Variants in L1CAM observed in about 807,000 individuals in gnomAD.
L1CAM encodes the protein L1 cell adhesion molecule.
L1CAM carries 8 observed loss-of-function variants against 93.0 expected under a neutral mutation model. The observed-to-expected ratio is 0.09, with a 90% CI of 0.05 to 0.16. The LOEUF is 0.16. L1CAM is among the 10% of genes least tolerant of loss of function. The pLI is 1.00. For missense variants in L1CAM, 777 were observed against 1,073.4 expected (o/e 0.72, Z 3.86); for synonymous variants, 453 against 453.0 (o/e 1.00, Z 0.00).
At chrX:153,877,487 C>T (rs1240661547) in intron 1 of L1CAM, among the ~76,000 whole-genome samples, 1 of 106,639 alleles carries the variant, frequency 9.4e-6, no homozygotes, top group Non-Finnish European at 1.9e-5. Flanking sequence ...GTTAGCCTGG[C>T]GTGGTGGTGC....
chrX:153,877,166 G>T (rs1240636704), intron 1 of L1CAM, among the ~76,000 whole-genome samples: 2 of 103,652 alleles, frequency 1.9e-5, no homozygotes, highest in African/African-American at 7.1e-5. Flanking sequence ...AATTAGGGCT[G>T]GGCGTGGTGG....
rs782577322 is a variant in L1CAM at position 153,866,785 on chromosome X, C to T, written c.2295G>A (p.Glu765=). The T allele has an allele frequency of 8.3e-7, 1 of 1,211,696 alleles. No homozygotes were observed. The highest frequency in any genetic ancestry group is 3.0e-5 in the East Asian group (1 of 33,842). Reference sequence around the variant, plus strand: ...CCAGGAAGGGGTCGCTGACAATCTGCTCCTGCCAGGGCCCTCGTGTCCCCT... The same window carrying T: ...CCAGGAAGGGGTCGCTGACAATCTGTTCCTGCCAGGGCCCTCGTGTCCCCT... The part of the protein sequence containing the change: ...RPQGTRGPWQ[E]QIVSDPFLVV... The change falls in exon 19 of 29, where the codon GAG becomes GAA. Residue 765 remains glutamate, a synonymous_variant. Coordinates refer to ENST00000370060, the MANE Select transcript of L1CAM (RefSeq NM_001278116.2).
chrX:153,863,332 C>T, intron 28 of L1CAM, 36 bp downstream of exon 28: 2 of 1,200,323 alleles, frequency 1.7e-6, no homozygotes. Context: ...ATAGGGAGAC[C>T]TTGCTGTTGG....
chrX:153,875,730 G>T lies in L1CAM; in HGVS notation c.76+31C>A, dbSNP rs782563391. ...AGAGGGGCCCAACATAGCGGCGAAG[G>T]TAGGCGCCCAGGCTCCCTTCAGCTA... On this transcript the variant is annotated intron_variant, in intron 2 of 28. Coordinates refer to ENST00000370060, the MANE Select transcript of L1CAM (RefSeq NM_001278116.2). 4.3e-6 allele frequency: 5 copies of T among 1,172,835 alleles called. No individual in the cohort carries two copies. In the East Asian group the frequency reaches 8.9e-5, roughly 21 times the overall value.
At position 153,865,230 on chromosome X, in the gene L1CAM, G is replaced by A. The variant is rs1410529289; in HGVS notation, c.2750-20C>T. On this transcript the variant is annotated intron_variant, in intron 21 of 28. Transcript: ENST00000370060. Reference sequence around the variant, plus strand: ...CAGGCACTGCAGGGCACAGAACCGAGTGGCAGGTAGGTCCTCGCCCAGGTC... The same window carrying A: ...CAGGCACTGCAGGGCACAGAACCGAATGGCAGGTAGGTCCTCGCCCAGGTC... The A allele has an allele frequency of 8.3e-7, 1 of 1,206,216 alleles. No individual in the cohort carries two copies. The highest frequency in any genetic ancestry group is 1.1e-6 in the Non-Finnish European group (1 of 894,168).
chrX:153,883,322 C>T (rs1434918350), intron 1 of L1CAM, among the ~76,000 whole-genome samples: 5 of 109,435 alleles, frequency 4.6e-5, no homozygotes, highest in Non-Finnish European at 3.8e-5. Context: ...AGGGAGGAGA[C>T]GGGGAGTGGT....
intron 14 of L1CAM, 47 bp from the exon 15 acceptor site, chrX:153,868,169 C>G: frequency 8.3e-7 from 1 of 1,202,711 alleles, no homozygotes; most frequent in Non-Finnish European, 1.1e-6. Context: ...GGCTCTTCTC[C>G]CCTCCCATCC....
chrX:153,865,265 G>A (rs2064702417), intron 21 of L1CAM, 34 bp downstream of exon 21: 2 of 1,209,504 alleles, frequency 1.7e-6, no homozygotes, highest in Admixed American at 2.2e-5. Context: ...CTGGGGAGGA[G>A]GGCAGGGGAT....
chrX:153,877,287 C>CAAAAAAAAA (rs34384910), intron 1 of L1CAM, among the ~76,000 whole-genome samples: 4 of 12,805 alleles, frequency 3.1e-4, no homozygotes, highest in Admixed American at 1.5e-3. Context: ...ACTAAAAATA[C>CAAAAAAAAA]AAAAAAAAAA....
At position 153,875,771 on chromosome X, in the gene L1CAM, G is replaced by T; in HGVS notation, c.66C>A (p.Ile22=). 8.3e-7 allele frequency: 1 copy of T among 1,210,306 alleles called. No individual in the cohort carries two copies. Among genetic ancestry groups the T allele is most frequent in the South Asian group, 1.8e-5 (1 of 56,975 alleles). ...CCTTCAGCTACTCACATTCCTCGGG[G>T]ATCTGGATAAGCAGGCAGGGGCTGC... The part of the protein sequence containing the change: ...LLCSPCLLIQ[I]PEEYEGHHVM... Residue 22 remains isoleucine, a synonymous_variant, in exon 2 of 29, where the codon ATC becomes ATA. Coordinates refer to ENST00000370060, the MANE Select transcript of L1CAM (RefSeq NM_001278116.2).
Position 153,875,782 on chromosome X carries a change from G to A in L1CAM, c.55C>T (p.Leu19Phe). 1 of 1,210,759 alleles carries A rather than the reference G, an allele frequency of 8.3e-7. No individual in the cohort carries two copies. The highest frequency in any genetic ancestry group is 1.1e-6 in the Non-Finnish European group (1 of 894,880). Residue 19 changes from leucine (L) to phenylalanine (F), a missense_variant, in exon 2 of 29, where the codon CTT becomes TTT. This residue lies in a region of L1CAM where 574 missense variants were observed against 781.0 expected (regional missense o/e 0.73). Transcript: ENST00000370060. The part of the protein sequence containing the change: ...WPLLLCSPCL[L>F]IQIPEEYEGH... ...TCACATTCCTCGGGGATCTGGATAA[G>A]CAGGCAGGGGCTGCAGAGGAGGAGA...
At chrX:153,877,287 C>CAAAAAAAA (rs34384910) in intron 1 of L1CAM, among the ~76,000 whole-genome samples, 1 of 12,815 alleles carries the variant, frequency 7.8e-5, no homozygotes, top group Non-Finnish European at 1.7e-4. Flanking sequence ...ACTAAAAATA[C>CAAAAAAAA]AAAAAAAAAA....
rs570818261 is a variant in L1CAM at position 153,884,201 on chromosome X, G to A, written c.-109+1864C>T. 1,649 of 994,284 alleles carry A rather than the reference G, an allele frequency of 1.7e-3. 16 individuals carry two copies. In the South Asian group the frequency reaches 0.03, roughly 18 times the overall value. 81.9% of individuals were successfully genotyped at this position (994,284 alleles called of 1,213,427 possible). Reference sequence around the variant, plus strand: ...CTCTTCCATGGGCAGCCCAGAGCCCGGCCCAAAGGAGCACTGGCCATGAGC... The same window carrying A: ...CTCTTCCATGGGCAGCCCAGAGCCCAGCCCAAAGGAGCACTGGCCATGAGC... On this transcript the variant is annotated intron_variant, in intron 1 of 28. Transcript: ENST00000370060.
intron 17 of L1CAM, 41 bp downstream of exon 17, chrX:153,867,315 C>T (rs1557091244): frequency 8.9e-7 from 1 of 1,127,782 alleles, no homozygotes; most frequent in East Asian, 3.0e-5. Context: ...AGCCCGGAGC[C>T]CCTTCCAGGT....
intron 5 of L1CAM, 84 bp downstream of exon 5, chrX:153,872,068 A>G: frequency 1.2e-6 from 1 of 855,137 alleles, no homozygotes; most frequent in South Asian, 2.1e-5. Context: ...TCGCCACGAG[A>G]CAACTGGCTG....
At chrX:153,870,340 C>T in intron 8 of L1CAM, 48 bp downstream of exon 8, 2 of 1,180,255 alleles carry the variant, frequency 1.7e-6, no homozygotes, top group Non-Finnish European at 2.3e-6. Flanking sequence ...CCTGCTAGGG[C>T]TCCGCCACCC....
In L1CAM at chrX:153,865,537, G is replaced by T. The variant is rs148702216; in HGVS notation, c.2548-37C>A. ...AACAGGAGACCTCGCAGGGGCAGAA[G>T]GCACCCAGCAGGGCCCCCAGCGCAC... On this transcript the variant is annotated intron_variant, in intron 20 of 28. Transcript: ENST00000370060. The T allele has an allele frequency of 1.0e-3, 1,216 of 1,163,522 alleles. 6 individuals are homozygous for T. The African/African-American group carries it at 0.018, about 17-fold the overall frequency.
intron 21 of L1CAM, 27 bp downstream of exon 21, chrX:153,865,272 G>A (rs781892656): frequency 1.7e-6 from 2 of 1,209,817 alleles, no homozygotes; most frequent in East Asian, 3.0e-5. Flanking sequence ...GGAGGGCAGG[G>A]GATGAGGCGT....
intron 16 of L1CAM, 70 bp from the exon 17 acceptor site, chrX:153,867,623 G>C: frequency 1.9e-6 from 2 of 1,043,148 alleles, no homozygotes; most frequent in Non-Finnish European, 2.7e-6. Context: ...GGAGGGGTTG[G>C]GTACAGTCTG....
Sources: gnomAD v4.1 joint callset for allele counts (sites outside exome capture counted in the v4.1 genomes callset) on GRCh38, gnomAD v4.1.1 for gene constraint, gnomAD v4.1.1 regional missense constraint, MANE v1.5 for transcripts, NCBI Gene and HGNC (gene_info 2026-07-23, HGNC 2026-07-21) for gene names.